Variants in ANO1 observed in about 807,000 individuals in gnomAD.
ANO1 encodes the protein anoctamin-1.
Under a neutral mutation model 124.0 loss-of-function variants are expected in ANO1, and 59 were observed. That is an observed-to-expected ratio of 0.48 (90% CI 0.39 to 0.59). The LOEUF is 0.59. Among genes scored for constraint, ANO1 ranks in the 20% least tolerant of loss-of-function variants. ANO1 has a pLI of 0.00. For synonymous variants in ANO1, 529 were observed against 532.0 expected, an observed-to-expected ratio of 0.99 and a Z score of 0.08; for missense variants, 1,059 against 1,328.0, an observed-to-expected ratio of 0.80 and a Z score of 3.15.
intron 24 of ANO1, 29 bp from the exon 25 acceptor site, chr11:70,185,561 A>C (rs1590950951): frequency 2.5e-6 from 4 of 1,603,640 alleles, no homozygotes; most frequent in Non-Finnish European, 3.4e-6. Flanking sequence ...CCGAAGTCCC[A>C]CCCTCGACTC....
intron 10 of ANO1, among the ~76,000 whole-genome samples, chr11:70,131,030 C>T (rs1347413043): frequency 6.6e-6 from 1 of 152,228 alleles, no homozygotes; most frequent in Admixed American, 6.5e-5. Context: ...TTTTCCAAGG[C>T]CTTATAACAT....
intron 1 of ANO1, among the ~76,000 whole-genome samples, chr11:70,033,498 C>A (rs1278668576): frequency 1.3e-5 from 2 of 152,170 alleles, no homozygotes; most frequent in African/African-American, 4.8e-5. Context: ...TCGTGTTGCA[C>A]TATGATGCTT....
At chr11:70,141,036 G>A (rs1274879113) in intron 11 of ANO1, among the ~76,000 whole-genome samples, 1 of 152,152 alleles carries the variant, frequency 6.6e-6, no homozygotes, top group Non-Finnish European at 1.5e-5. Flanking sequence ...CAGCTAACAG[G>A]TCCCTAACAG....
intron 20 of ANO1, 144 bp downstream of exon 20, chr11:70,165,714 G>A (rs2048231404): frequency 1.4e-6 from 1 of 702,788 alleles, no homozygotes; most frequent in Non-Finnish European, 2.4e-6. Flanking sequence ...GGACACAGAG[G>A]GAAGGTGGGG....
chr11:70,056,137 C>A (rs1555006836), intron 1 of ANO1: 1 of 152,010 alleles, frequency 6.6e-6, no homozygotes. Context: ...CCTTATCATA[C>A]TTTCATATGG....
intron 11 of ANO1, among the ~76,000 whole-genome samples, chr11:70,147,281 C>A (rs1193982891): frequency 6.6e-6 from 1 of 152,212 alleles, no homozygotes; most frequent in Admixed American, 6.5e-5. Flanking sequence ...CTCCACTGCT[C>A]CAGAGCAGCT....
At chr11:70,166,606 A>ATG (rs2048264472) in intron 20 of ANO1, among the ~76,000 whole-genome samples, 2 of 152,010 alleles carry the variant, frequency 1.3e-5, no homozygotes, top group South Asian at 4.2e-4. Flanking sequence ...ATTTTCCATG[A>ATG]TCTGTGTCCT....
Position 69,987,278 on chromosome 11 carries a change from G to A in ANO1, c.58+1112G>A, listed in dbSNP as rs572309617. On this transcript the variant is annotated intron_variant, in intron 1 of 27. Coordinates refer to the ANO1 transcript ENST00000531349. ...TCCTGAGCGGCTTCCTCAAGCTCACGTGTAGAAATGATCCGTTCTGTGATC... is the reference window on the plus strand; with the variant it reads ...TCCTGAGCGGCTTCCTCAAGCTCACATGTAGAAATGATCCGTTCTGTGATC... Among the ~76,000 whole-genome samples the A allele has an allele frequency of 2.2e-4, 34 of 152,312 alleles. No homozygotes were observed. In the South Asian group the frequency reaches 6.8e-3, roughly 31 times the overall value.
In ANO1 at chr11:70,087,871, C is replaced by T. The variant is rs2044447690; in HGVS notation, c.228C>T (p.Asn76=). 5.6e-6 allele frequency: 9 copies of T among 1,612,576 alleles called. No individual in the cohort carries two copies. The South Asian group carries it at 8.8e-5, about 16-fold the overall frequency. The part of the protein sequence containing the change: ...LVYHHKRPSG[N]RTLVRRVQHS... ...ACCATCACAAGAGGCCCTCGGGCAA[C>T]CGGACCCTGGTCAGGAGGGTGCAGC... The change falls in exon 2 of 26, where the codon AAC becomes AAT. Residue 76 remains asparagine (N), a synonymous_variant. Coordinates refer to ENST00000355303, the MANE Select transcript of ANO1 (RefSeq NM_018043.7).
chr11:70,134,713 A>G (rs189403087), intron 11 of ANO1, among the ~76,000 whole-genome samples: 1 of 152,196 alleles, frequency 6.6e-6, no homozygotes, highest in East Asian at 1.9e-4. Flanking sequence ...TGTGGGAGCT[A>G]CTCATCGGCC....
At chr11:69,994,015 G>A (rs940614707) in intron 1 of ANO1, among the ~76,000 whole-genome samples, 2 of 152,004 alleles carry the variant, frequency 1.3e-5, no homozygotes, top group Non-Finnish European at 2.9e-5. Flanking sequence ...GTTGGTCAGT[G>A]TCACTCCCCC....
intron 1 of ANO1, among the ~76,000 whole-genome samples, chr11:70,033,863 T>C (rs562360060): frequency 6.6e-6 from 1 of 152,196 alleles, no homozygotes; most frequent in Non-Finnish European, 1.5e-5. Flanking sequence ...TACAGTTGTA[T>C]AGTTGTATGG....
chr11:70,102,970 C>A, intron 2 of ANO1, 96 bp from the exon 3 acceptor site: 1 of 826,866 alleles, frequency 1.2e-6, no homozygotes, highest in Non-Finnish European at 1.9e-6. Context: ...TGCACAGTAG[C>A]TGCTCGATAA....
intron 3 of ANO1, 144 bp from the exon 4 acceptor site, chr11:70,103,855 T>C: frequency 1.2e-6 from 1 of 812,774 alleles, no homozygotes; most frequent in East Asian, 2.7e-5. Flanking sequence ...GGTGGGGCGG[T>C]GCATTCTGGC....
intron 1 of ANO1, among the ~76,000 whole-genome samples, chr11:70,044,287 A>G (rs1255801580): frequency 1.3e-5 from 2 of 152,148 alleles, no homozygotes; most frequent in Non-Finnish European, 2.9e-5. Flanking sequence ...TATATATTAT[A>G]TATCAAAATG....
At chr11:70,063,796 C>T (rs1485664816) in intron 1 of ANO1, 1 of 152,348 alleles carries the variant, frequency 6.6e-6, no homozygotes, top group East Asian at 1.9e-4. Context: ...GGGTACATTC[C>T]TGCCCTCTTC....
the ANO1 span, among the ~76,000 whole-genome samples, chr11:69,973,870 T>TA: frequency 9.8e-3 from 1,368 of 139,240 alleles, 8 homozygotes; most frequent in Middle Eastern, 0.034. Context: ...AGACTCCGTC[T>TA]AAAAAAAAAA....
At chr11:70,145,311 AGGGCATGGT>A (rs2047327225) in intron 11 of ANO1, among the ~76,000 whole-genome samples, 2 of 152,154 alleles carry the variant, frequency 1.3e-5, no homozygotes, top group Non-Finnish European at 2.9e-5. Flanking sequence ...GCCAGACAAT[AGGGCATGGT>A]GGGGTCTGTG....
chr11:70,085,490 G>A (rs1281036741), intron 1 of ANO1: 12 of 1,535,966 alleles, frequency 7.8e-6, no homozygotes, highest in African/African-American at 2.7e-5. Context: ...GAAGTCAGTT[G>A]CTTAGTTTCA....
Sources: gnomAD v4.1 joint callset for allele counts (sites outside exome capture counted in the v4.1 genomes callset) on GRCh38, gnomAD v4.1.1 for gene constraint, MANE v1.5 for transcripts, NCBI Gene and HGNC (gene_info 2026-07-23, HGNC 2026-07-21) for gene names.